The following NELL2 variants were observed in gnomAD, a reference collection of about 807,000 sequenced individuals.
NELL2 encodes neural EGFL like 2, also known as protein kinase C-binding protein NELL2.
In NELL2, 41 loss-of-function variants were observed where a neutral mutation model predicts 109.6. That is an observed-to-expected ratio of 0.37 (90% CI 0.29 to 0.49). NELL2 has a LOEUF of 0.49. Among genes scored for constraint, NELL2 ranks in the 20% least tolerant of loss-of-function variants. NELL2 has a pLI of 0.98. For synonymous variants in NELL2, 355 were observed against 344.7 expected (o/e 1.03, Z -0.33); for missense variants, 900 against 1,008.3 (o/e 0.89, Z 1.45).
At chr12:44,590,169 T>G (rs7299371) in intron 15 of NELL2, among the ~76,000 whole-genome samples, 128,119 of 151,998 alleles carry the variant, frequency 0.84, 54,425 homozygotes, top group East Asian at 1. Flanking sequence ...ACTTATAGTT[T>G]AATTTTATAT....
In NELL2 at chr12:44,509,738, T is replaced by TCTATG. The variant is rs1235916154; in HGVS notation, c.2401-759_2401-755dup. Among the ~76,000 whole-genome samples the TCTATG allele has an allele frequency of 2.6e-5, 4 of 152,216 alleles. No individual in the cohort carries two copies. In the South Asian group the frequency reaches 8.3e-4, roughly 32 times the overall value. ...AATTGTCGTTGTTTAAGCCACCCAG[T>TCTATG]CTATGGTATTCTGTTACAGCAGCCT... is the stretch of plus-strand genomic sequence containing the variant. On this transcript the variant is annotated intron_variant, in intron 19 of 19. Coordinates refer to ENST00000429094, the MANE Select transcript of NELL2 (RefSeq NM_001145108.2).
chr12:44,648,731 ATTTTTTTT>A (rs71459072), intron 13 of NELL2, among the ~76,000 whole-genome samples: 1 of 89,700 alleles, frequency 1.1e-5, no homozygotes. Context: ...ATATATATAT[ATTTTTTTT>A]TTTTTTTTTT....
chr12:44,862,647 AC>A (rs1944875751), intron 2 of NELL2, among the ~76,000 whole-genome samples: 1 of 152,222 alleles, frequency 6.6e-6, no homozygotes, highest in African/African-American at 2.4e-5. Flanking sequence ...AGTGAGCTGC[AC>A]TTTTTTTTCT....
At position 44,867,625 on chromosome 12, in the gene NELL2, T is replaced by C. The variant is rs147981328; in HGVS notation, c.184+7600A>G. On this transcript the variant is annotated intron_variant, in intron 2 of 19. Transcript: ENST00000429094. ...CAACATAGTACTGTAAGTCCTAGAC[T>C]TGCAATTAGGCAAGAGAAAGAAATA... Among the ~76,000 whole-genome samples, 125 of 152,266 alleles carry C rather than the reference T, an allele frequency of 8.2e-4. 3 individuals are homozygous for C. The East Asian group carries it at 0.023, about 28-fold the overall frequency.
upstream of NELL2, among the ~76,000 whole-genome samples, chr12:44,877,899 TTTAA>T (rs768825647): frequency 6.3e-4 from 96 of 152,310 alleles, no homozygotes; most frequent in Middle Eastern, 3.4e-3. Context: ...AATAATACAA[TTTAA>T]TTAATCAATG....
chr12:44,842,100 G>GGAGA (rs1218544533), intron 2 of NELL2, among the ~76,000 whole-genome samples: 15 of 108,652 alleles, frequency 1.4e-4, no homozygotes, highest in African/African-American at 4.2e-4. Context: ...AGGGAGGGAG[G>GGAGA]GAGGGAGGGA....
chr12:44,838,116 T>C lies in NELL2; in HGVS notation c.185-21980A>G, dbSNP rs74771630. Among the ~76,000 whole-genome samples, 1,103 of 152,308 alleles carry C rather than the reference T, an allele frequency of 7.2e-3. 15 individuals carry two copies. The highest frequency in any genetic ancestry group is 0.025 in the African/African-American group (1,039 of 41,548). On this transcript the variant is annotated intron_variant, in intron 2 of 19. Transcript: ENST00000429094. ...GAGTTTACCTTTCTCACTTTTAAAA[T>C]TTATCTAGAAACTGAAGTCTAGGGG...
At chr12:44,868,841 A>C (rs1363887964) in intron 2 of NELL2, among the ~76,000 whole-genome samples, 1 of 152,150 alleles carries the variant, frequency 6.6e-6, no homozygotes, top group Non-Finnish European at 1.5e-5. Context: ...TATAGTAATA[A>C]TACATTGTAC....
intron 3 of NELL2, among the ~76,000 whole-genome samples, chr12:44,796,702 G>A (rs1464640432): frequency 6.6e-6 from 1 of 152,058 alleles, no homozygotes; most frequent in African/African-American, 2.4e-5. Context: ...CCAAATCATT[G>A]AGGATAACAA....
intron 3 of NELL2, among the ~76,000 whole-genome samples, chr12:44,807,525 G>A (rs112766491): frequency 0.014 from 2,175 of 151,888 alleles, 50 homozygotes; most frequent in African/African-American, 0.049. Context: ...AGACGTCAAT[G>A]TTTTAAAAAA....
intron 13 of NELL2, among the ~76,000 whole-genome samples, chr12:44,619,515 C>T (rs1945965907): frequency 6.6e-6 from 1 of 151,954 alleles, no homozygotes; most frequent in Non-Finnish European, 1.5e-5. Context: ...CTTTTTAATC[C>T]CTCTTTCCTC....
chr12:44,575,668 T>C (rs1027528709), intron 15 of NELL2, among the ~76,000 whole-genome samples: 3 of 152,214 alleles, frequency 2.0e-5, no homozygotes, highest in Non-Finnish European at 4.4e-5. Context: ...ATGCTTTCGA[T>C]AATACATATA....
chr12:44,721,784 A>C (rs1353486641), intron 9 of NELL2, among the ~76,000 whole-genome samples: 1 of 152,178 alleles, frequency 6.6e-6, no homozygotes, highest in Non-Finnish European at 1.5e-5. Flanking sequence ...AAACATTGAA[A>C]AAGTGATTTT....
chr12:44,774,441 G>A (rs1169289035), intron 9 of NELL2, among the ~76,000 whole-genome samples: 1 of 152,114 alleles, frequency 6.6e-6, no homozygotes, highest in African/African-American at 2.4e-5. Flanking sequence ...ACCTATTTGG[G>A]AGACACTTAC....
At position 44,703,739 on chromosome 12, in the gene NELL2, A is replaced by G. The variant is rs769202117; in HGVS notation, c.1305T>C (p.Asn435=). 1.9e-6 allele frequency: 3 copies of G among 1,613,484 alleles called. No homozygotes were observed. The highest frequency in any genetic ancestry group is 1.3e-5 in the African/African-American group (1 of 74,968). The change falls in exon 12 of 20, where the codon AAT becomes AAC. Residue 435 remains asparagine, a synonymous_variant. Coordinates refer to ENST00000429094, the MANE Select transcript of NELL2 (RefSeq NM_001145108.2). ...TACAAGGATTACCTTCACAGTAGGC[A>G]TTATCCTCTCGAAGAGCCCTAAAAC... is the stretch of plus-strand genomic sequence containing the variant. ...RDGFRALRED[N]AYCEDIDECA...
At chr12:44,792,778 C>T (rs1285039818) in intron 3 of NELL2, among the ~76,000 whole-genome samples, 2 of 152,064 alleles carry the variant, frequency 1.3e-5, no homozygotes, top group East Asian at 3.9e-4. Flanking sequence ...TGATTTGCAG[C>T]AACATAAATT....
At chr12:44,549,665 C>T (rs1942948615) in intron 15 of NELL2, among the ~76,000 whole-genome samples, 2 of 151,996 alleles carry the variant, frequency 1.3e-5, no homozygotes, top group Non-Finnish European at 2.9e-5. Context: ...ATACCATTTA[C>T]AATAGCATCA....
Position 44,824,910 on chromosome 12 carries a change from C to T in NELL2, c.185-8774G>A, listed in dbSNP as rs192943667. Among the ~76,000 whole-genome samples the T allele has an allele frequency of 5.0e-3, 756 of 151,828 alleles. 2 individuals carry two copies. The highest frequency in any genetic ancestry group is 8.5e-3 in the Admixed American group (130 of 15,224). ...TACTTTTAGTAGAGGCGGGGTTTCA[C>T]CATGTTAGCCAGGATGGTCTCAATC... On this transcript the variant is annotated intron_variant, in intron 2 of 19. Transcript: ENST00000429094.
intron 2 of NELL2, among the ~76,000 whole-genome samples, chr12:44,871,614 A>G (rs11182724): frequency 0.021 from 3,142 of 152,264 alleles, 112 homozygotes; most frequent in East Asian, 0.18. Flanking sequence ...ACCAACAGCC[A>G]TCACTTCAAA....
Sources: gnomAD v4.1 joint callset for allele counts (sites outside exome capture counted in the v4.1 genomes callset) on GRCh38, gnomAD v4.1.1 for gene constraint, MANE v1.5 for transcripts, NCBI Gene and HGNC (gene_info 2026-07-23, HGNC 2026-07-21) for gene names.